The following SYT1 variants were observed in gnomAD, a reference collection of about 807,000 sequenced individuals.
SYT1 encodes the protein synaptotagmin-1.
A neutral mutation model predicts 44.8 loss-of-function variants in SYT1; 8 were observed. The ratio of observed to expected loss-of-function variants is 0.18; its 90% CI spans 0.10 to 0.32. The LOEUF is 0.32. Ranked by LOEUF, SYT1 falls within the 10% of genes least tolerant of loss-of-function variation. SYT1 has a pLI of 1.00. For synonymous variants in SYT1, 154 were observed against 188.8 expected (o/e 0.82, Z 1.51); for missense variants, 286 against 509.3 (o/e 0.56, Z 4.22).
chr12:79,132,666 A>C (rs1221564725), intron 3 of SYT1, among the ~76,000 whole-genome samples: 1 of 111,258 alleles, frequency 9.0e-6, no homozygotes, highest in Non-Finnish European at 1.8e-5. Context: ...AACAATATGG[A>C]GTTTTCTCAA....
At chr12:79,178,937 G>T (rs1429570875) in intron 3 of SYT1, among the ~76,000 whole-genome samples, 1 of 39,160 alleles carries the variant, frequency 2.6e-5, no homozygotes, top group Non-Finnish European at 4.0e-5. Flanking sequence ...TATCTATATA[G>T]ATATAGATAT....
intron 3 of SYT1, among the ~76,000 whole-genome samples, chr12:79,181,331 CAT>C (rs751824322): frequency 2.0e-5 from 3 of 151,946 alleles, no homozygotes; most frequent in East Asian, 1.9e-4. Flanking sequence ...TCATTCATAA[CAT>C]AGAAATTTGG....
At chr12:79,244,938 T>G (rs1053747606) in intron 4 of SYT1, among the ~76,000 whole-genome samples, 1 of 152,014 alleles carries the variant, frequency 6.6e-6, no homozygotes, top group African/African-American at 2.4e-5. Flanking sequence ...TCTGATGAAG[T>G]AGGTAGCTGT....
At chr12:79,124,005 C>T (rs553642100) in intron 3 of SYT1, among the ~76,000 whole-genome samples, 7 of 152,210 alleles carry the variant, frequency 4.6e-5, no homozygotes, top group Admixed American at 3.9e-4. Flanking sequence ...CAAGCACATA[C>T]TATGCGCCAG....
At chr12:79,032,542 G>A (rs1045248247) in intron 2 of SYT1, among the ~76,000 whole-genome samples, 5 of 151,138 alleles carry the variant, frequency 3.3e-5, no homozygotes, top group African/African-American at 1.2e-4. Flanking sequence ...CAGCTAGAAG[G>A]GCTGAGCTTC....
chr12:78,946,909 A>G (rs1430462137), intron 1 of SYT1, among the ~76,000 whole-genome samples: 1 of 152,182 alleles, frequency 6.6e-6, no homozygotes, highest in Non-Finnish European at 1.5e-5. Context: ...GATGAACAGT[A>G]GGAGCACTGG....
At chr12:79,182,465 G>T (rs1872596977) in intron 3 of SYT1, among the ~76,000 whole-genome samples, 1 of 151,958 alleles carries the variant, frequency 6.6e-6, no homozygotes, top group South Asian at 2.1e-4. Flanking sequence ...AACAAGTTGA[G>T]GACCATCCAT....
At chr12:79,081,573 TTCA>T (rs1175165384) in intron 3 of SYT1, among the ~76,000 whole-genome samples, 3 of 151,982 alleles carry the variant, frequency 2.0e-5, no homozygotes, top group African/African-American at 7.3e-5. Flanking sequence ...GGAGACGGGT[TTCA>T]TCATGTTGGC....
chr12:79,123,308 A>AGTGTGTGTGTGT (rs763524667), intron 3 of SYT1, among the ~76,000 whole-genome samples: 3,989 of 96,468 alleles, frequency 0.041, 71 homozygotes, highest in Middle Eastern at 0.075. Context: ...CTAAAAATGC[A>AGTGTGTGTGTGT]ATGTGTGTGT....
At chr12:78,921,584 T>C (rs1404550296) in intron 1 of SYT1, among the ~76,000 whole-genome samples, 1 of 151,986 alleles carries the variant, frequency 6.6e-6, no homozygotes, top group Non-Finnish European at 1.5e-5. Context: ...CAGGTCTTGA[T>C]TCTAATGCTC....
intron 3 of SYT1, among the ~76,000 whole-genome samples, chr12:79,173,449 A>G (rs543309995): frequency 4.3e-4 from 66 of 152,206 alleles, no homozygotes; most frequent in African/African-American, 1.5e-3. Flanking sequence ...AAGGATCCCA[A>G]AAGATGTAAA....
intron 1 of SYT1, among the ~76,000 whole-genome samples, chr12:78,871,071 T>TA (rs765278256): frequency 2.0e-5 from 3 of 152,088 alleles, no homozygotes; most frequent in Non-Finnish European, 4.4e-5. Context: ...TTTTTTTAAC[T>TA]TAACACCTGA....
intron 2 of SYT1, among the ~76,000 whole-genome samples, chr12:79,008,397 G>A (rs1282299806): frequency 6.6e-6 from 1 of 152,002 alleles, no homozygotes; most frequent in African/African-American, 2.4e-5. Flanking sequence ...ACAAGTGGTC[G>A]GACTTAATTC....
chr12:79,092,394 C>T (rs537246731), intron 3 of SYT1, among the ~76,000 whole-genome samples: 2 of 151,518 alleles, frequency 1.3e-5, no homozygotes, highest in African/African-American at 2.4e-5. Context: ...AATAAGAATA[C>T]TCACAAATAG....
At chr12:79,356,772 A>T (rs1883130190) in intron 9 of SYT1, among the ~76,000 whole-genome samples, 1 of 152,218 alleles carries the variant, frequency 6.6e-6, no homozygotes, top group Non-Finnish European at 1.5e-5. Flanking sequence ...AAGTGGGAAT[A>T]ATGAGAGGAC....
chr12:79,430,638 T>C (rs568090477), intron 9 of SYT1, among the ~76,000 whole-genome samples: 1 of 152,148 alleles, frequency 6.6e-6, no homozygotes, highest in South Asian at 2.1e-4. Context: ...ATCAAAAGAA[T>C]TAGCCAGGTG....
At chr12:79,340,817 G>A (rs1411718518) in intron 8 of SYT1, among the ~76,000 whole-genome samples, 1 of 152,120 alleles carries the variant, frequency 6.6e-6, no homozygotes, top group Non-Finnish European at 1.5e-5. Flanking sequence ...AGAATTTCAA[G>A]TACCTCAGCA....
At chr12:79,370,298 A>G (rs138060816) in intron 9 of SYT1, among the ~76,000 whole-genome samples, 1 of 152,326 alleles carries the variant, frequency 6.6e-6, no homozygotes, top group Non-Finnish European at 1.5e-5. Context: ...GCTGCAAAAT[A>G]CAGAATTCAA....
At chr12:79,002,854 A>T (rs1465914242) in intron 2 of SYT1, among the ~76,000 whole-genome samples, 1 of 152,050 alleles carries the variant, frequency 6.6e-6, no homozygotes, top group Non-Finnish European at 1.5e-5. Flanking sequence ...AGTTTTAAAA[A>T]TATGTGTTAT....
Sources: allele counts gnomAD v4.1 joint callset (sites outside exome capture counted in the v4.1 genomes callset), GRCh38; gene constraint gnomAD v4.1.1; transcripts MANE v1.5; gene names NCBI Gene and HGNC (gene_info 2026-07-23, HGNC 2026-07-21).